The following YAF2 variants were observed in gnomAD, a reference collection of about 807,000 sequenced individuals.
YAF2 encodes YY1-associated factor 2.
A neutral mutation model predicts 20.1 loss-of-function variants in YAF2; 7 were observed. The ratio of observed to expected loss-of-function variants is 0.35; its 90% CI spans 0.20 to 0.65. The LOEUF is 0.65. Among genes scored for constraint, YAF2 ranks in the 30% least tolerant of loss-of-function variants. The pLI is 0.69. For synonymous variants in YAF2, 74 were observed against 76.0 expected, an observed-to-expected ratio of 0.97 and a Z score of 0.14; for missense variants, 151 against 219.2, an observed-to-expected ratio of 0.69 and a Z score of 1.96.
chr12:42,203,513 G>A (rs1591993238), intron 2 of YAF2, among the ~76,000 whole-genome samples: 2 of 151,982 alleles, frequency 1.3e-5, no homozygotes, highest in Admixed American at 1.3e-4. Flanking sequence ...TAAGCATGAT[G>A]CTTTCTATTT....
intron 2 of YAF2, among the ~76,000 whole-genome samples, chr12:42,210,143 T>C (rs962001553): frequency 1.3e-5 from 2 of 152,182 alleles, no homozygotes; most frequent in Non-Finnish European, 2.9e-5. Flanking sequence ...GTAAATAAGA[T>C]ACTTTAAAAT....
chr12:42,219,537 T>A (rs1013819871), intron 2 of YAF2, among the ~76,000 whole-genome samples: 2 of 152,054 alleles, frequency 1.3e-5, no homozygotes, highest in African/African-American at 4.8e-5. Flanking sequence ...GGACCAGAGA[T>A]ATAGACACAG....
intron 2 of YAF2, among the ~76,000 whole-genome samples, chr12:42,220,997 T>A (rs922946186): frequency 6.6e-6 from 1 of 152,176 alleles, no homozygotes; most frequent in Non-Finnish European, 1.5e-5. Context: ...AAAGTTGTTA[T>A]AAAAGACATA....
In YAF2 at chr12:42,232,996, CTG is replaced by C. The variant is rs141948148; in HGVS notation, c.152+4601_152+4602del. The C allele has an allele frequency of 7.9e-4, 783 of 985,350 alleles. 8 individuals are homozygous for C. In the African/African-American group the frequency reaches 0.013, roughly 16 times the overall value. 61.0% of individuals were successfully genotyped at this position (985,350 alleles called of 1,614,324 possible). On this transcript the variant is annotated intron_variant, in intron 2 of 3. Transcript: ENST00000534854. ...GTTAAAGCGGTTCTAATTTGCAAAACTGTAAAATTTTAAAGAAACAAAAAAAT... is the reference window on the plus strand; with the variant it reads ...GTTAAAGCGGTTCTAATTTGCAAAACTAAAATTTTAAAGAAACAAAAAAAT...
intron 2 of YAF2, among the ~76,000 whole-genome samples, chr12:42,186,133 G>C (rs1231984942): frequency 2.0e-5 from 3 of 150,024 alleles, no homozygotes; most frequent in Non-Finnish European, 4.4e-5. Flanking sequence ...AGAGGTTGCA[G>C]TGGCTGAGAT....
chr12:42,205,786 T>C, intron 2 of YAF2: 1 of 243,976 alleles, frequency 4.1e-6, no homozygotes, highest in Non-Finnish European at 8.6e-6. Context: ...GGCTCATTTA[T>C]TTTCAATCTT....
Position 42,198,115 on chromosome 12 carries a change from T to TA in YAF2, c.153-36351dup, listed in dbSNP as rs199662584. On this transcript the variant is annotated intron_variant, in intron 2 of 3. Coordinates refer to ENST00000534854, the MANE Select transcript of YAF2 (RefSeq NM_005748.6). ...GAGTGAAATGTTGGGCCTCACCTTA[T>TA]AAAAAAAAAAGTCATCATGTAAGGA... 9.3e-3 allele frequency among the ~76,000 whole-genome samples: 1,368 copies of TA among 147,506 alleles called. 20 individuals are homozygous for TA. Among genetic ancestry groups the TA allele is most frequent in the Non-Finnish European group, 0.011 (732 of 66,530 alleles).
At chr12:42,235,750 G>T (rs2068129885) in intron 2 of YAF2, 1 of 1,535,210 alleles carries the variant, frequency 6.5e-7, no homozygotes, top group Non-Finnish European at 8.7e-7. Context: ...CAAGAGCTTA[G>T]ATGTACTGGT....
chr12:42,237,011 T>C (rs1233811800), intron 2 of YAF2, among the ~76,000 whole-genome samples: 1 of 152,224 alleles, frequency 6.6e-6, no homozygotes, highest in Non-Finnish European at 1.5e-5. Context: ...ACTAAAGATA[T>C]AAAGGTACTT....
chr12:42,231,615 ATTACAGT>A (rs1173648065), intron 2 of YAF2: 1 of 152,208 alleles, frequency 6.6e-6, no homozygotes, highest in African/African-American at 2.4e-5. Context: ...TGGATTACCC[ATTACAGT>A]TTTGTAAAAT....
chr12:42,238,234 A>G lies in YAF2; in HGVS notation c.-54T>C. On this transcript the variant is annotated 5_prime_UTR_variant, in exon 1 of 4. Coordinates refer to ENST00000534854, the MANE Select transcript of YAF2 (RefSeq NM_005748.6). ...CGCCGCCGCGACCGCTCTGTTTGTC[A>G]ATAAGGAGGATAATAAGCCGGGCGG... is the stretch of plus-strand genomic sequence containing the variant. The G allele has an allele frequency of 7.1e-7, 1 of 1,417,486 alleles. No individual in the cohort carries two copies. The highest frequency in any genetic ancestry group is 9.3e-7 in the Non-Finnish European group (1 of 1,070,988). The allele number at this position is 1,417,486 out of a possible 1,614,324, so 87.8% of individuals were successfully genotyped here. A position where few individuals can be genotyped will look rare whatever the true frequency, so the allele number is the denominator to read the frequency against.
At position 42,160,835 on chromosome 12, in the gene YAF2, A is replaced by T; in HGVS notation, c.306-9T>A. ...CATTTTTCAATCTTGGCCTAAACAT[A>T]AAAAAATGAAATTTTAAACTAGCTT... On this transcript the variant is annotated splice_polypyrimidine_tract_variant and intron_variant, in intron 3 of 3. Coordinates refer to ENST00000534854, the MANE Select transcript of YAF2 (RefSeq NM_005748.6). The T allele has an allele frequency of 1.9e-6, 3 of 1,580,956 alleles. No individual in the cohort carries two copies. The highest frequency in any genetic ancestry group is 2.6e-6 in the Non-Finnish European group (3 of 1,164,872).
At chr12:42,228,002 C>T (rs1453611460) in intron 2 of YAF2, among the ~76,000 whole-genome samples, 7 of 135,746 alleles carry the variant, frequency 5.2e-5, no homozygotes, top group South Asian at 2.4e-4. Context: ...TGGCCAGCCG[C>T]CCCGTCCAGG....
rs2065751593 is a variant in YAF2 at position 42,159,084 on chromosome 12, G to A, written c.*1505C>T. On this transcript the variant is annotated 3_prime_UTR_variant, in exon 4 of 4. Transcript: ENST00000534854. ...AGACTTTTACTGTATGCAATTAATT[G>A]TATTTCACAACTAGCATCTTACAAA... The A allele has an allele frequency of 6.6e-6, 1 of 152,062 alleles. No individual in the cohort carries two copies. Among genetic ancestry groups the A allele is most frequent in the Non-Finnish European group, 1.5e-5 (1 of 67,984 alleles). 9.4% of individuals were successfully genotyped at this position (152,062 alleles called of 1,614,324 possible). A position where few individuals can be genotyped will look rare whatever the true frequency, so the allele number is the denominator to read the frequency against.
chr12:42,166,939 T>C (rs1176929227), intron 2 of YAF2, among the ~76,000 whole-genome samples: 1 of 152,182 alleles, frequency 6.6e-6, no homozygotes, highest in Non-Finnish European at 1.5e-5. Context: ...TGCACTATCC[T>C]TCTAGATGAT....
chr12:42,170,560 A>G (rs2066021080), intron 2 of YAF2, among the ~76,000 whole-genome samples: 1 of 152,222 alleles, frequency 6.6e-6, no homozygotes. Flanking sequence ...CTATAATCTC[A>G]GCACTTTGGG....
At chr12:42,188,139 A>T (rs2066521010) in intron 2 of YAF2, among the ~76,000 whole-genome samples, 1 of 152,174 alleles carries the variant, frequency 6.6e-6, no homozygotes, top group African/African-American at 2.4e-5. Flanking sequence ...TTTGTCACAC[A>T]AAAATAGGTA....
chr12:42,158,315 G>C lies in YAF2; in HGVS notation c.*2274C>G, dbSNP rs2065739622. ...CAGAGAAAACATCTGATATTACACT[G>C]AAAATTTAGTGAAATCTATAAAACA... On this transcript the variant is annotated 3_prime_UTR_variant, in exon 4 of 4. Coordinates refer to ENST00000534854, the MANE Select transcript of YAF2 (RefSeq NM_005748.6). 1 of 152,142 alleles carries C rather than the reference G, an allele frequency of 6.6e-6. No homozygotes were observed. Among genetic ancestry groups the C allele is most frequent in the African/African-American group, 2.4e-5 (1 of 41,428 alleles). 9.4% of individuals were successfully genotyped at this position (152,142 alleles called of 1,614,324 possible).
At chr12:42,164,594 A>G (rs950387550) in intron 2 of YAF2, among the ~76,000 whole-genome samples, 3 of 152,202 alleles carry the variant, frequency 2.0e-5, no homozygotes, top group South Asian at 2.1e-4. Context: ...AAGAGGCAGC[A>G]TAACTCAAAT....
Sources: gnomAD v4.1 joint callset for allele counts (sites outside exome capture counted in the v4.1 genomes callset) on GRCh38, gnomAD v4.1.1 for gene constraint, MANE v1.5 for transcripts, NCBI Gene and HGNC (gene_info 2026-07-23, HGNC 2026-07-21) for gene names.